The following PTPRG variants were observed in gnomAD, a reference collection of about 807,000 sequenced individuals.
PTPRG encodes receptor-type tyrosine-protein phosphatase gamma.
A neutral mutation model predicts 165.3 loss-of-function variants in PTPRG; 102 were observed. That is an observed-to-expected ratio of 0.62 (90% CI 0.53 to 0.73). The LOEUF is 0.73. Among genes scored for constraint, PTPRG ranks in the 30% least tolerant of loss-of-function variants. PTPRG has a pLI of 0.00. For missense variants in PTPRG, 1,866 were observed against 1,861.4 expected (o/e 1.00, Z -0.05); for synonymous variants, 675 against 669.5 (o/e 1.01, Z -0.13).
At chr3:62,205,975 A>G (rs1002314605) in intron 12 of PTPRG, among the ~76,000 whole-genome samples, 2 of 152,164 alleles carry the variant, frequency 1.3e-5, no homozygotes, top group Non-Finnish European at 2.9e-5. Flanking sequence ...TGTGTTTTCT[A>G]TGAAGACAGG....
intron 2 of PTPRG, among the ~76,000 whole-genome samples, chr3:61,866,744 A>G (rs946692917): frequency 6.6e-6 from 1 of 151,742 alleles, no homozygotes; most frequent in African/African-American, 2.4e-5. Context: ...GACTACAGGC[A>G]TGTGCCACCA....
intron 2 of PTPRG, among the ~76,000 whole-genome samples, chr3:61,842,697 A>G (rs867937418): frequency 7.1e-6 from 1 of 141,424 alleles, no homozygotes; most frequent in East Asian, 1.9e-4. Context: ...AAAAAAAAAA[A>G]AAAAAAGAAA....
At chr3:61,580,758 T>C (rs1700276180) in intron 1 of PTPRG, among the ~76,000 whole-genome samples, 1 of 152,206 alleles carries the variant, frequency 6.6e-6, no homozygotes, top group Admixed American at 6.5e-5. Flanking sequence ...TGGCTAAGAA[T>C]AAAATAAAAG....
intron 1 of PTPRG, among the ~76,000 whole-genome samples, chr3:61,572,413 C>T (rs772439653): frequency 2.6e-5 from 4 of 152,086 alleles, no homozygotes; most frequent in East Asian, 1.9e-4. Flanking sequence ...AAATGAGAAA[C>T]GAAGCTCGTT....
intron 16 of PTPRG, among the ~76,000 whole-genome samples, chr3:62,259,902 T>C (rs1379704086): frequency 6.6e-6 from 1 of 152,096 alleles, no homozygotes; most frequent in Non-Finnish European, 1.5e-5. Context: ...TGTCTGGGAT[T>C]GGGAAGGGTG....
intron 3 of PTPRG, among the ~76,000 whole-genome samples, chr3:62,001,584 ATATTT>A (rs2041173093): frequency 2.0e-5 from 3 of 151,400 alleles, no homozygotes; most frequent in South Asian, 4.2e-4. Flanking sequence ...ATTTTAGAAG[ATATTT>A]TATTATATCT....
intron 2 of PTPRG, among the ~76,000 whole-genome samples, chr3:61,930,213 GTT>G (rs1405344813): frequency 6.6e-6 from 1 of 152,082 alleles, no homozygotes; most frequent in Non-Finnish European, 1.5e-5. Context: ...CATCTTGCCT[GTT>G]TCAGCTGTGT....
At chr3:62,176,069 T>TA (rs11439908) in intron 8 of PTPRG, among the ~76,000 whole-genome samples, 14,992 of 152,268 alleles carry the variant, frequency 0.098, 2,177 homozygotes, top group African/African-American at 0.32. Flanking sequence ...ACAACGTCTA[T>TA]AAACTTATTG....
At chr3:62,043,210 C>T (rs894288842) in intron 4 of PTPRG, among the ~76,000 whole-genome samples, 1 of 152,154 alleles carries the variant, frequency 6.6e-6, no homozygotes, top group Non-Finnish European at 1.5e-5. Flanking sequence ...TATGTTTTTC[C>T]ACTAGGTTTC....
chr3:62,185,540 C>T lies in PTPRG; in HGVS notation c.1034-5929C>T, dbSNP rs190786236. On this transcript the variant is annotated intron_variant, in intron 8 of 29. Coordinates refer to ENST00000474889, the MANE Select transcript of PTPRG (RefSeq NM_002841.4). ...CTCGCCTTGGGGGCCAGAGAGCTGC[C>T]GGGGAAGTGGGCTGAGCAGAGGCAA... is the stretch of plus-strand genomic sequence containing the variant. Among the ~76,000 whole-genome samples the T allele has an allele frequency of 1.3e-3, 194 of 151,970 alleles. 1 individual carries two copies. Among genetic ancestry groups the T allele is most frequent in the African/African-American group, 4.4e-3 (182 of 41,408 alleles).
At chr3:61,885,244 T>A (rs1045055618) in intron 2 of PTPRG, among the ~76,000 whole-genome samples, 2 of 152,166 alleles carry the variant, frequency 1.3e-5, no homozygotes, top group African/African-American at 2.4e-5. Flanking sequence ...AAATGTATTC[T>A]GAATTTTGAC....
intron 12 of PTPRG, among the ~76,000 whole-genome samples, chr3:62,204,678 G>C (rs1237036263): frequency 6.6e-6 from 1 of 152,222 alleles, no homozygotes. Flanking sequence ...AAAGGCTTCA[G>C]CCTGGGGAGA....
chr3:62,102,610 T>A (rs1439600126), intron 5 of PTPRG, among the ~76,000 whole-genome samples: 1 of 152,122 alleles, frequency 6.6e-6, no homozygotes, highest in Non-Finnish European at 1.5e-5. Flanking sequence ...AACAGAGTGG[T>A]GTCCATTTTG....
At chr3:62,285,632 C>T (rs1292488785) in intron 28 of PTPRG, among the ~76,000 whole-genome samples, 4 of 151,792 alleles carry the variant, frequency 2.6e-5, no homozygotes, top group Non-Finnish European at 5.9e-5. Context: ...TGAGGACAGG[C>T]ACAGCTTAAA....
At chr3:62,110,257 C>A (rs753840924) in intron 5 of PTPRG, among the ~76,000 whole-genome samples, 1 of 151,964 alleles carries the variant, frequency 6.6e-6, no homozygotes, top group Non-Finnish European at 1.5e-5. Flanking sequence ...AGGACCCTAA[C>A]TGAAAGAGAT....
At chr3:61,803,442 A>G (rs998689209) in intron 2 of PTPRG, among the ~76,000 whole-genome samples, 4 of 120,228 alleles carry the variant, frequency 3.3e-5, no homozygotes, top group Admixed American at 3.3e-4. Flanking sequence ...TTAATTGGCC[A>G]TATGTGCCTG....
intron 4 of PTPRG, among the ~76,000 whole-genome samples, chr3:62,013,654 A>G (rs1038830975): frequency 6.6e-6 from 1 of 152,206 alleles, no homozygotes; most frequent in African/African-American, 2.4e-5. Context: ...TACTATCTAG[A>G]TTATGTACCT....
intron 4 of PTPRG, among the ~76,000 whole-genome samples, chr3:62,066,733 T>C (rs1381725600): frequency 1.3e-5 from 2 of 152,134 alleles, no homozygotes; most frequent in African/African-American, 2.4e-5. Flanking sequence ...TACTGGTTTA[T>C]GTGTATGGAC....
intron 1 of PTPRG, among the ~76,000 whole-genome samples, chr3:61,675,531 C>G (rs1319762222): frequency 6.6e-6 from 1 of 152,172 alleles, no homozygotes; most frequent in Non-Finnish European, 1.5e-5. Context: ...GTTAGCATTT[C>G]TAGGTAAACA....
Sources: allele counts gnomAD v4.1 joint callset (sites outside exome capture counted in the v4.1 genomes callset), GRCh38; gene constraint gnomAD v4.1.1; transcripts MANE v1.5; gene names NCBI Gene and HGNC (gene_info 2026-07-23, HGNC 2026-07-21).